DPYD: variants seen among roughly 807,000 people sequenced by gnomAD.
DPYD encodes dihydropyrimidine dehydrogenase [NADP(+)].
In DPYD, 109 loss-of-function variants were observed where a neutral mutation model predicts 116.2. That is an observed-to-expected ratio of 0.94 (90% CI 0.80 to 1.10). The LOEUF (loss-of-function observed/expected upper bound fraction) is 1.10, where lower values mean the gene tolerates loss of function less well. Ranked by LOEUF, DPYD falls within the 50% of genes least tolerant of loss-of-function variation. DPYD has a pLI of 0.00. For synonymous variants in DPYD, 440 were observed against 432.0 expected (o/e 1.02, Z -0.23); for missense variants, 1,302 against 1,254.5 (o/e 1.04, Z -0.57).
chr1:97,123,178 T>C (rs537924763), intron 20 of DPYD, among the ~76,000 whole-genome samples: 1 of 152,256 alleles, frequency 6.6e-6, no homozygotes, highest in East Asian at 1.9e-4. Flanking sequence ...ACCATAACAT[T>C]GTAGGTTCTC....
intron 18 of DPYD, among the ~76,000 whole-genome samples, chr1:97,301,844 T>C (rs897562162): frequency 2.0e-5 from 3 of 151,968 alleles, no homozygotes; most frequent in Non-Finnish European, 2.9e-5. Context: ...ACCATTTATA[T>C]AGGTGATAGT....
intron 19 of DPYD, among the ~76,000 whole-genome samples, chr1:97,232,211 G>T (rs1661628640): frequency 6.6e-6 from 1 of 152,136 alleles, no homozygotes; most frequent in Non-Finnish European, 1.5e-5. Context: ...TTTAGCATTT[G>T]AAAAATGTCC....
intron 1 of DPYD, among the ~76,000 whole-genome samples, chr1:97,898,360 C>T (rs1239942397): frequency 6.6e-6 from 1 of 151,816 alleles, no homozygotes; most frequent in Non-Finnish European, 1.5e-5. Context: ...CTTCCTTGGT[C>T]TCCCTAGACT....
At chr1:97,734,330 T>C (rs568328088) in intron 4 of DPYD, among the ~76,000 whole-genome samples, 8 of 152,276 alleles carry the variant, frequency 5.3e-5, no homozygotes, top group Non-Finnish European at 7.4e-5. Context: ...CTCCTTATTA[T>C]ATATTACACA....
chr1:97,541,002 T>C (rs1457791797), intron 12 of DPYD, among the ~76,000 whole-genome samples: 7 of 152,186 alleles, frequency 4.6e-5, no homozygotes, highest in Admixed American at 6.5e-5. Context: ...GCTTTTGTAA[T>C]GAAGAAACTG....
intron 3 of DPYD, among the ~76,000 whole-genome samples, chr1:97,771,948 T>C (rs1292375946): frequency 1.3e-5 from 2 of 152,158 alleles, no homozygotes; most frequent in African/African-American, 4.8e-5. Context: ...TTTCCATTTC[T>C]TAATAAAAGG....
chr1:97,690,435 AT>A (rs1259819441), intron 7 of DPYD, among the ~76,000 whole-genome samples: 1 of 151,704 alleles, frequency 6.6e-6, no homozygotes, highest in Non-Finnish European at 1.5e-5. Context: ...TTCTTTTTTC[AT>A]TTTTTATTAA....
chr1:97,250,458 C>T (rs892942088), intron 18 of DPYD, among the ~76,000 whole-genome samples: 2 of 152,046 alleles, frequency 1.3e-5, no homozygotes, highest in Non-Finnish European at 2.9e-5. Context: ...CAGCCTTACC[C>T]ATAACAGCTC....
At chr1:97,700,135 A>G (rs1661515981) in intron 5 of DPYD, 1 of 435,454 alleles carries the variant, frequency 2.3e-6, no homozygotes, top group African/African-American at 2.0e-5. Context: ...GAAAGTAAGA[A>G]CAAAGTTAAG....
intron 1 of DPYD, among the ~76,000 whole-genome samples, chr1:97,891,492 G>C (rs1672773455): frequency 6.6e-6 from 1 of 151,868 alleles, no homozygotes; most frequent in Non-Finnish European, 1.5e-5. Context: ...ATATTATCCA[G>C]GGCCAAGTAT....
chr1:97,697,774 A>T (rs375388152), intron 6 of DPYD, among the ~76,000 whole-genome samples: 1 of 152,086 alleles, frequency 6.6e-6, no homozygotes, highest in African/African-American at 2.4e-5. Context: ...GAGTTAAAAA[A>T]GAGATAGGCT....
intron 14 of DPYD, among the ~76,000 whole-genome samples, chr1:97,429,525 A>T (rs1675057513): frequency 6.6e-6 from 1 of 152,024 alleles, no homozygotes. Context: ...TATAGGAGAG[A>T]TTGAAAACTC....
chr1:97,241,525 C>A (rs1260118194), intron 18 of DPYD, among the ~76,000 whole-genome samples: 1 of 151,934 alleles, frequency 6.6e-6, no homozygotes, highest in African/African-American at 2.4e-5. Flanking sequence ...CATGAAAGTT[C>A]CCATTTTCAG....
intron 8 of DPYD, among the ~76,000 whole-genome samples, chr1:97,640,729 G>A (rs1657842002): frequency 6.6e-6 from 1 of 152,108 alleles, no homozygotes; most frequent in South Asian, 2.1e-4. Context: ...CAGAGCCTGA[G>A]TTTTCCACAA....
chr1:97,822,472 A>G (rs1250787111), intron 3 of DPYD, among the ~76,000 whole-genome samples: 1 of 150,382 alleles, frequency 6.6e-6, no homozygotes, highest in Non-Finnish European at 1.5e-5. Context: ...TATTGTCTTA[A>G]TGGTAGACAA....
intron 10 of DPYD, among the ~76,000 whole-genome samples, chr1:97,576,187 T>C (rs1158779665): frequency 1.3e-5 from 2 of 152,202 alleles, no homozygotes; most frequent in Non-Finnish European, 2.9e-5. Context: ...TATCACCTTA[T>C]AACTCATCAA....
chr1:97,102,476 T>TATCTATCTATC lies in DPYD; in HGVS notation c.2623-3855_2623-3845dup, dbSNP rs1248470135. 4.2e-4 allele frequency among the ~76,000 whole-genome samples: 38 copies of TATCTATCTATC among 89,812 alleles called. No individual in the cohort carries two copies. In the Admixed American group the frequency reaches 4.2e-3, roughly 10 times the overall value. The allele number at this position is 89,812 out of a possible 152,430, so 58.9% of individuals were successfully genotyped here. ...GAAATCTATTATCTATCTATCTATC[T>TATCTATCTATC]ATCTATCTATCTATCTATCTCCTTT... is the stretch of plus-strand genomic sequence containing the variant. On this transcript the variant is annotated intron_variant, in intron 20 of 22. Transcript: ENST00000370192.
chr1:97,606,187 C>T (rs1486407351), intron 8 of DPYD, among the ~76,000 whole-genome samples: 1 of 152,006 alleles, frequency 6.6e-6, no homozygotes, highest in East Asian at 1.9e-4. Context: ...AATTTAACCA[C>T]TTATTCATTA....
intron 20 of DPYD, among the ~76,000 whole-genome samples, chr1:97,163,125 A>G (rs1656054220): frequency 6.6e-6 from 1 of 152,016 alleles, no homozygotes; most frequent in Non-Finnish European, 1.5e-5. Context: ...GCCAAAATTG[A>G]CAAATGGGAT....
Sources: allele counts gnomAD v4.1 joint callset (sites outside exome capture counted in the v4.1 genomes callset), GRCh38; gene constraint gnomAD v4.1.1; transcripts MANE v1.5; gene names NCBI Gene and HGNC (gene_info 2026-07-23, HGNC 2026-07-21).